Variants in USP42 observed in about 807,000 individuals in gnomAD.
USP42 encodes ubiquitin carboxyl-terminal hydrolase 42.
Under a neutral mutation model 113.0 loss-of-function variants are expected in USP42, and 23 were observed. That is an observed-to-expected ratio of 0.20 (90% CI 0.15 to 0.29). The LOEUF is 0.29. Among genes scored for constraint, USP42 ranks in the 10% least tolerant of loss-of-function variants. The probability of loss-of-function intolerance (pLI) is 1.00; values close to 1 mark genes in which losing one functional copy is unlikely to be tolerated. For synonymous variants in USP42, 933 were observed against 699.0 expected, an observed-to-expected ratio of 1.33 and a Z score of -5.28; for missense variants, 2,174 against 1,779.8, an observed-to-expected ratio of 1.22 and a Z score of -3.99.
intron 3 of USP42, among the ~76,000 whole-genome samples, chr7:6,116,255 G>A (rs150249672): frequency 3.3e-5 from 5 of 152,214 alleles, no homozygotes; most frequent in African/African-American, 1.2e-4. Flanking sequence ...GTCACTGCCC[G>A]CAACCTCCTG....
intron 12 of USP42, among the ~76,000 whole-genome samples, chr7:6,149,209 G>C (rs1350400865): frequency 6.6e-6 from 1 of 152,136 alleles, no homozygotes; most frequent in Non-Finnish European, 1.5e-5. Context: ...CGAGGCGAGG[G>C]TGATTCCTCC....
chr7:6,095,422 C>G, the USP42 span, among the ~76,000 whole-genome samples: 1 of 151,098 alleles, frequency 6.6e-6, no homozygotes, highest in Non-Finnish European at 1.5e-5. Context: ...GTAATCCCAG[C>G]ACTTTGGCAG....
In USP42 at chr7:6,154,746, C is replaced by T. The variant is rs1451876166; in HGVS notation, c.3192C>T (p.Asp1064=). Residue 1064 remains aspartate (D), a synonymous_variant, in exon 15 of 18, where the codon GAC becomes GAT. Coordinates refer to ENST00000306177, the MANE Select transcript of USP42 (RefSeq NM_032172.3). ...PRWDRCRYYH[D]RYALYAARDW... Reference sequence around the variant, plus strand: ...GGGACAGGTGCCGGTACTACCATGACAGGTACGCCCTGTACGCTGCCCGGG... The same window carrying T: ...GGGACAGGTGCCGGTACTACCATGATAGGTACGCCCTGTACGCTGCCCGGG... 3.8e-6 allele frequency: 6 copies of T among 1,571,774 alleles called. No individual in the cohort carries two copies. Among genetic ancestry groups the T allele is most frequent in the Middle Eastern group, 1.7e-4 (1 of 6,020 alleles).
intron 3 of USP42, chr7:6,116,716 A>G (rs1779930832): frequency 4.0e-6 from 2 of 506,284 alleles, no homozygotes; most frequent in African/African-American, 4.0e-5. Flanking sequence ...AAAATCACCT[A>G]GAATCTCACC....
chr7:6,111,359 C>A lies in USP42; in HGVS notation c.226C>A (p.Pro76Thr), dbSNP rs1431489399. ...SSVPDKSKPS[P>T]QKDQALGDGI... is the part of the protein sequence containing the mutation. ...TGTACCTGATAAATCAAAACCATCA[C>A]CACAAAAGGATCAAGGTACTGTTTT... Residue 76 changes from proline to threonine, a missense_variant, in exon 2 of 18, where the codon CCA (proline) becomes ACA (threonine). By Grantham distance (38) the Pro-to-Thr change is conservative. Transcript: ENST00000306177. 1.2e-6 allele frequency: 2 copies of A among 1,611,594 alleles called. No individual in the cohort carries two copies.
chr7:6,123,399 C>G (rs1343717542), intron 3 of USP42, among the ~76,000 whole-genome samples: 1 of 152,134 alleles, frequency 6.6e-6, no homozygotes, highest in African/African-American at 2.4e-5. Context: ...TGCGGTGGCT[C>G]ACGCCTGTAA....
At chr7:6,082,732 T>G in the USP42 span, among the ~76,000 whole-genome samples, 4,141 of 141,194 alleles carry the variant, frequency 0.029, 204 homozygotes, top group Middle Eastern at 0.064. Flanking sequence ...TATCTGAGCC[T>G]CCGTAGTAGC....
intron 3 of USP42, among the ~76,000 whole-genome samples, chr7:6,125,680 A>C (rs1438028647): frequency 6.6e-6 from 1 of 151,870 alleles, no homozygotes; most frequent in Admixed American, 6.6e-5. Flanking sequence ...CTGTTTACCT[A>C]CTTGTTTACT....
chr7:6,146,108 T>C, intron 10 of USP42, 40 bp from the exon 11 acceptor site: 1 of 1,359,412 alleles, frequency 7.4e-7, no homozygotes, highest in Non-Finnish European at 1.0e-6. Context: ...CCATGTTTAA[T>C]TAAATCTAAT....
At chr7:6,129,956 T>C (rs1780759591) in intron 3 of USP42, among the ~76,000 whole-genome samples, 1 of 152,042 alleles carries the variant, frequency 6.6e-6, no homozygotes, top group African/African-American at 2.4e-5. Context: ...CTCAGTATGA[T>C]GAGTGATTTT....
chr7:6,144,257 G>A (rs1781583114), intron 9 of USP42, 61 bp downstream of exon 9: 5 of 1,151,762 alleles, frequency 4.3e-6, no homozygotes, highest in Non-Finnish European at 6.2e-6. Context: ...TAACGTGTCT[G>A]TAGCTATTAA....
Position 6,154,365 on chromosome 7 carries a change from A to C in USP42, c.2811A>C (p.Pro937=). ...AAAPKAPGPS[P]AKEKIGSLRK... is the part of the protein sequence containing the mutation. ...CGCCGAAAGCCCCAGGCCCTTCCCC[A>C]GCGAAGGAGAAAATCGGCAGCCTCA... Residue 937 remains proline (P), a synonymous_variant, in exon 15 of 18, where the codon CCA becomes CCC. Coordinates refer to ENST00000306177, the MANE Select transcript of USP42 (RefSeq NM_032172.3). The C allele has an allele frequency of 6.3e-7, 1 of 1,575,124 alleles. No individual in the cohort carries two copies. The highest frequency in any genetic ancestry group is 8.6e-7 in the Non-Finnish European group (1 of 1,161,948).
the USP42 span, among the ~76,000 whole-genome samples, chr7:6,089,124 A>T: frequency 6.6e-6 from 1 of 150,564 alleles, no homozygotes; most frequent in Non-Finnish European, 1.5e-5. Flanking sequence ...TGTTCACTGC[A>T]ACCGCCACCT....
At chr7:6,106,731 A>ATT (rs72032655) in intron 1 of USP42, among the ~76,000 whole-genome samples, 1 of 145,986 alleles carries the variant, frequency 6.8e-6, no homozygotes. Context: ...CACCCAGCTA[A>ATT]TTTTTTTTTT....
chr7:6,154,563 C>G lies in USP42; in HGVS notation c.3009C>G (p.Gly1003=). The change falls in exon 15 of 18, where the codon GGC becomes GGG. Residue 1003 remains glycine (G), a synonymous_variant. Coordinates refer to ENST00000306177, the MANE Select transcript of USP42 (RefSeq NM_032172.3). ...RHAPEHHPGH[G]DRLSPGERRS... is the part of the protein sequence containing the mutation. Reference sequence around the variant, plus strand: ...CCCCGGAGCACCACCCCGGCCACGGCGACAGGCTCAGCCCTGGCGAGCGCC... The same window carrying G: ...CCCCGGAGCACCACCCCGGCCACGGGGACAGGCTCAGCCCTGGCGAGCGCC... 2.2e-5 allele frequency: 34 copies of G among 1,553,556 alleles called. No homozygotes were observed. The highest frequency in any genetic ancestry group is 3.0e-5 in the Non-Finnish European group (34 of 1,151,202).
At chr7:6,103,830 A>C (rs1779098441), upstream of USP42, among the ~76,000 whole-genome samples, 2 of 149,296 alleles carry the variant, frequency 1.3e-5, no homozygotes, top group Admixed American at 1.3e-4. Context: ...ACGGAGGGGG[A>C]GCTGCTTGAG....
At position 6,145,649 on chromosome 7, in the gene USP42, A is replaced by G; in HGVS notation, c.1124A>G (p.Tyr375Cys). 2 of 1,613,674 alleles carry G rather than the reference A, an allele frequency of 1.2e-6. No homozygotes were observed. The highest frequency in any genetic ancestry group is 1.7e-6 in the Non-Finnish European group (2 of 1,179,680). Reference sequence around the variant, plus strand: ...TGCCATGCTGGCCATTACTTCTGCTACATAAAAGTAAGCTGTGCAGATTTG... The same window carrying G: ...TGCCATGCTGGCCATTACTTCTGCTGCATAAAAGTAAGCTGTGCAGATTTG... ...FNCHAGHYFC[Y>C]IKASNGLWYQ... The change falls in exon 10 of 18, where the codon TAC (tyrosine) becomes TGC (cysteine). Residue 375 changes from tyrosine to cysteine, a missense_variant. By Grantham distance (194) the Tyr-to-Cys change is radical. Transcript: ENST00000306177.
upstream of USP42, among the ~76,000 whole-genome samples, chr7:6,101,110 A>G (rs561961547): frequency 6.6e-6 from 1 of 151,224 alleles, no homozygotes. Context: ...AAAGGAGTGG[A>G]GCAACAATAT....
intron 3 of USP42, among the ~76,000 whole-genome samples, 190 bp from the exon 4 acceptor site, chr7:6,135,651 C>CA (rs1173165919): frequency 0.42 from 6,640 of 15,934 alleles, 1,790 homozygotes; most frequent in African/African-American, 0.5. Flanking sequence ...GACTCCATCT[C>CA]AAAAAAAAAA....
Sources: gnomAD v4.1 joint callset for allele counts (sites outside exome capture counted in the v4.1 genomes callset) on GRCh38, gnomAD v4.1.1 for gene constraint, MANE v1.5 for transcripts, NCBI Gene and HGNC (gene_info 2026-07-23, HGNC 2026-07-21) for gene names.